The following ZNF831 variants were observed in gnomAD, a reference collection of about 807,000 sequenced individuals.
ZNF831 encodes the protein zinc finger protein 831, also known as chromosome 20 open reading frame 174.
A neutral mutation model predicts 95.8 loss-of-function variants in ZNF831; 59 were observed. That is an observed-to-expected ratio of 0.62 (90% CI 0.50 to 0.77). ZNF831 has a LOEUF of 0.77. ZNF831 is among the 30% of genes least tolerant of loss of function. The pLI is 0.00. For missense variants in ZNF831, 2,205 were observed against 2,164.0 expected, an observed-to-expected ratio of 1.02 and a Z score of -0.38; for synonymous variants, 961 against 925.5, an observed-to-expected ratio of 1.04 and a Z score of -0.70.
chr20:59,124,976 G>T (rs1979125229), intron 1 of ZNF831, among the ~76,000 whole-genome samples: 1 of 152,232 alleles, frequency 6.6e-6, no homozygotes, highest in African/African-American at 2.4e-5. Context: ...TCAGTCTAGA[G>T]CGAGCAAGTA....
Position 59,196,146 on chromosome 20 carries a change from G to C in ZNF831, c.3875+141G>C, listed in dbSNP as rs1008471037. ...GCTTCATGATTAAAGGACTGAATTTGTTTCCCACCCCTTGCAACTCACCGC... is the reference window on the plus strand; with the variant it reads ...GCTTCATGATTAAAGGACTGAATTTCTTTCCCACCCCTTGCAACTCACCGC... On this transcript the variant is annotated intron_variant, in intron 3 of 5. Coordinates refer to ENST00000371030, the MANE Select transcript of ZNF831 (RefSeq NM_178457.3). 12 of 1,204,994 alleles carry C rather than the reference G, an allele frequency of 1.0e-5. No individual in the cohort carries two copies. The East Asian group carries it at 1.3e-4, about 13-fold the overall frequency. 74.6% of individuals were successfully genotyped at this position (1,204,994 alleles called of 1,614,324 possible). A position where few individuals can be genotyped will look rare whatever the true frequency, so the allele number is the denominator to read the frequency against.
chr20:59,177,197 C>T (rs1172542330), intron 1 of ZNF831, among the ~76,000 whole-genome samples: 3 of 152,196 alleles, frequency 2.0e-5, no homozygotes, highest in East Asian at 3.8e-4. Flanking sequence ...TCAAGACAGG[C>T]GTCTTGTCAT....
Position 59,192,004 on chromosome 20 carries a change from G to A in ZNF831, c.985G>A (p.Ala329Thr). The change falls in exon 2 of 6, where the codon GCC becomes ACC. Residue 329 changes from alanine to threonine, a missense_variant. By Grantham distance (58) the Ala-to-Thr change is moderately conservative. Transcript: ENST00000371030. The surrounding 1 kb of genome is among the most constrained non-coding windows in gnomAD (Gnocchi z 5.2). ...QATAAEKPWD[A>T]KAPEGRLRKC... ...GACGGCAGCGGAGAAGCCCTGGGATGCCAAGGCCCCCGAGGGCCGGCTGCG... is the reference window on the plus strand; with the variant it reads ...GACGGCAGCGGAGAAGCCCTGGGATACCAAGGCCCCCGAGGGCCGGCTGCG... 6.2e-7 allele frequency: 1 copy of A among 1,608,534 alleles called. No homozygotes were observed. Among genetic ancestry groups the A allele is most frequent in the Non-Finnish European group, 8.5e-7 (1 of 1,178,698 alleles).
intron 1 of ZNF831, among the ~76,000 whole-genome samples, chr20:59,189,199 T>A (rs889306720): frequency 4.6e-5 from 7 of 151,794 alleles, no homozygotes; most frequent in African/African-American, 1.7e-4. Flanking sequence ...AATAAAAAAA[T>A]AAAAAAATAA....
chr20:59,212,183 G>A (rs929206463), intron 4 of ZNF831, among the ~76,000 whole-genome samples: 1 of 152,080 alleles, frequency 6.6e-6, no homozygotes, highest in African/African-American at 2.4e-5. Flanking sequence ...GATGGAGAGA[G>A]AGTTTTTTAA....
rs528204721 is a variant in ZNF831 at position 59,167,930 on chromosome 20, T to A, written c.-37+3723T>A. Among the ~76,000 whole-genome samples the A allele has an allele frequency of 2.7e-3, 404 of 151,922 alleles. 6 individuals carry two copies. The highest frequency in any genetic ancestry group is 9.3e-3 in the African/African-American group (385 of 41,388). On this transcript the variant is annotated intron_variant, in intron 1 of 5. Coordinates refer to ENST00000371030, the MANE Select transcript of ZNF831 (RefSeq NM_178457.3). ...TGCAGATTGATTTATGTTTTTTTTT[T>A]TAATTATTTTGTTCTACTCATGTCT... is the stretch of plus-strand genomic sequence containing the variant.
At chr20:59,178,187 G>A (rs549036329) in intron 1 of ZNF831, among the ~76,000 whole-genome samples, 1 of 152,216 alleles carries the variant, frequency 6.6e-6, no homozygotes, top group Non-Finnish European at 1.5e-5. Flanking sequence ...TTTCACTTGG[G>A]CATTATGAGT....
intron 4 of ZNF831, 28 bp downstream of exon 4, chr20:59,207,084 G>T: frequency 1.9e-6 from 3 of 1,608,448 alleles, no homozygotes; most frequent in South Asian, 1.1e-5. Flanking sequence ...GGTGCATCCA[G>T]ACTGGGCACT....
chr20:59,146,334 G>C (rs1263931578), exon 2 of ZNF831: 1 of 152,300 alleles, frequency 6.6e-6, no homozygotes, highest in African/African-American at 2.4e-5. Flanking sequence ...TTTCGGGAGA[G>C]AGCGGCAGCC....
intron 4 of ZNF831, among the ~76,000 whole-genome samples, chr20:59,224,052 G>T (rs769276066): frequency 6.6e-4 from 100 of 152,208 alleles, no homozygotes; most frequent in Non-Finnish European, 3.8e-4. Flanking sequence ...GGATTACGGG[G>T]AAACACGTCC....
intron 4 of ZNF831, among the ~76,000 whole-genome samples, chr20:59,247,913 TA>T (rs1987701326): frequency 6.6e-6 from 1 of 152,234 alleles, no homozygotes; most frequent in Non-Finnish European, 1.5e-5. Context: ...GATTTGGCAT[TA>T]AAGATGTCTA....
chr20:59,221,577 A>G (rs1986077160), intron 4 of ZNF831, among the ~76,000 whole-genome samples: 1 of 152,062 alleles, frequency 6.6e-6, no homozygotes. Flanking sequence ...TTCCTCATCT[A>G]ATTTTCAGTA....
At chr20:59,213,873 G>A (rs549849605) in intron 4 of ZNF831, among the ~76,000 whole-genome samples, 1 of 152,214 alleles carries the variant, frequency 6.6e-6, no homozygotes, top group South Asian at 2.1e-4. Context: ...AGTAGTAACC[G>A]AACTGCGAAT....
intron 4 of ZNF831, among the ~76,000 whole-genome samples, chr20:59,243,466 A>G (rs952397761): frequency 3.3e-5 from 5 of 152,118 alleles, no homozygotes; most frequent in Non-Finnish European, 7.3e-5. Context: ...CACTTGTGTT[A>G]CTCTGCCATA....
At chr20:59,141,485 C>T (rs984400244) in intron 1 of ZNF831, among the ~76,000 whole-genome samples, 14 of 152,160 alleles carry the variant, frequency 9.2e-5, no homozygotes, top group African/African-American at 3.1e-4. Context: ...ATCCTTACTC[C>T]GTTAAAATTG....
In ZNF831 at chr20:59,171,797, T is replaced by C. The variant is rs554583580; in HGVS notation, c.-37+7590T>C. On this transcript the variant is annotated intron_variant, in intron 1 of 5. Transcript: ENST00000371030. ...CTCGTTTATATAATTGATCATGAAGTTGTAGTTCATATCTGTGACTTTCTT... is the reference window on the plus strand; with the variant it reads ...CTCGTTTATATAATTGATCATGAAGCTGTAGTTCATATCTGTGACTTTCTT... Among the ~76,000 whole-genome samples the C allele has an allele frequency of 1.2e-4, 18 of 152,288 alleles. No individual in the cohort carries two copies. In the South Asian group the frequency reaches 3.5e-3, roughly 30 times the overall value.
intron 1 of ZNF831, among the ~76,000 whole-genome samples, chr20:59,186,774 G>A (rs538033197): frequency 6.6e-5 from 10 of 152,176 alleles, no homozygotes; most frequent in South Asian, 2.1e-4. Flanking sequence ...CAATTAGAAC[G>A]TCTCAGATTG....
chr20:59,227,437 C>T (rs1437998601), intron 4 of ZNF831, among the ~76,000 whole-genome samples: 1 of 152,146 alleles, frequency 6.6e-6, no homozygotes, highest in African/African-American at 2.4e-5. Context: ...TTGCTTGACT[C>T]AGATGTAACA....
chr20:59,196,006 G>T lies in ZNF831; in HGVS notation c.3875+1G>T, dbSNP rs1368168844. On this transcript the variant is annotated splice_donor_variant, in intron 3 of 5. Coordinates refer to ENST00000371030, the MANE Select transcript of ZNF831 (RefSeq NM_178457.3). LOFTEE classifies it high-confidence loss of function. ...GAAAACTGAAGATCAACCCTAAAAG[G>T]TAGGATGAGTGGCCACCTCTGTCAT... is the stretch of plus-strand genomic sequence containing the variant. 3 of 1,612,992 alleles carry T rather than the reference G, an allele frequency of 1.9e-6. No homozygotes were observed. Among genetic ancestry groups the T allele is most frequent in the Non-Finnish European group, 1.7e-6 (2 of 1,179,554 alleles).
Sources: allele counts gnomAD v4.1 joint callset (sites outside exome capture counted in the v4.1 genomes callset), GRCh38; gene constraint gnomAD v4.1.1; non-coding constraint Gnocchi (gnomAD v3.1); transcripts MANE v1.5; gene names NCBI Gene and HGNC (gene_info 2026-07-23, HGNC 2026-07-21).